CUL5: variants seen among roughly 807,000 people sequenced by gnomAD.
The protein encoded by CUL5 is cullin-5.
In CUL5, 26 loss-of-function variants were observed where a neutral mutation model predicts 108.8. That is an observed-to-expected ratio of 0.24 (90% CI 0.18 to 0.33). The LOEUF is 0.33. Among genes scored for constraint, CUL5 ranks in the 10% least tolerant of loss-of-function variants. The probability of loss-of-function intolerance (pLI) is 1.00; values close to 1 mark genes in which losing one functional copy is unlikely to be tolerated. For missense variants in CUL5, 524 were observed against 909.2 expected, an observed-to-expected ratio of 0.58 and a Z score of 5.45; for synonymous variants, 334 against 298.0, an observed-to-expected ratio of 1.12 and a Z score of -1.25.
intron 1 of CUL5, among the ~76,000 whole-genome samples, chr11:108,030,321 A>G (rs1591282674): frequency 2.0e-5 from 3 of 152,206 alleles, no homozygotes; most frequent in African/African-American, 7.2e-5. Context: ...TTTTTAGTGG[A>G]TATCTCCCAT....
At chr11:108,091,689 T>A (rs1591330707) in intron 13 of CUL5, among the ~76,000 whole-genome samples, 2 of 76,610 alleles carry the variant, frequency 2.6e-5, no homozygotes, top group East Asian at 2.6e-4. Flanking sequence ...ATCCTGTCTC[T>A]CTCACTCACA....
intron 3 of CUL5, among the ~76,000 whole-genome samples, 161 bp from the exon 4 acceptor site, chr11:108,049,729 C>T (rs1419680262): frequency 4.0e-5 from 6 of 151,842 alleles, no homozygotes; most frequent in South Asian, 2.1e-4. Flanking sequence ...TGTGAACATT[C>T]GTGTACAAGT....
rs1245870701 is a variant in CUL5 at position 108,105,778 on chromosome 11, TTA to T, written c.*1398_*1399del. On this transcript the variant is annotated 3_prime_UTR_variant, in exon 19 of 19. Coordinates refer to ENST00000393094, the MANE Select transcript of CUL5 (RefSeq NM_003478.6). ...GTTTCAAATTTTCTTGCAAATTATT[TTA>T]TATCTTATTTGATGTTAAGTAATAT... 1 of 152,168 alleles carries T rather than the reference TTA, an allele frequency of 6.6e-6. No homozygotes were observed. Among genetic ancestry groups the T allele is most frequent in the Admixed American group, 6.5e-5 (1 of 15,282 alleles). 9.4% of individuals were successfully genotyped at this position (152,168 alleles called of 1,614,324 possible).
chr11:108,079,815 T>C (rs1864028779), intron 11 of CUL5, among the ~76,000 whole-genome samples: 1 of 152,202 alleles, frequency 6.6e-6, no homozygotes, highest in Non-Finnish European at 1.5e-5. Flanking sequence ...TTTTGCCTAA[T>C]CTAGGACTTT....
intron 11 of CUL5, among the ~76,000 whole-genome samples, chr11:108,078,822 AAAAT>A (rs1864000958): frequency 6.6e-6 from 1 of 152,296 alleles, no homozygotes; most frequent in South Asian, 2.1e-4. Context: ...AAAATACTGA[AAAAT>A]AACGTTTCTT....
chr11:108,094,723 A>G, intron 14 of CUL5, 89 bp from the exon 15 acceptor site: 1 of 1,086,982 alleles, frequency 9.2e-7, no homozygotes, highest in South Asian at 1.7e-5. Context: ...TTATAGTCTT[A>G]TTGATTTTTC....
chr11:108,068,358 G>A (rs1022818298), intron 7 of CUL5, among the ~76,000 whole-genome samples: 3 of 151,246 alleles, frequency 2.0e-5, no homozygotes, highest in East Asian at 1.9e-4. Flanking sequence ...TTGCTCTGTC[G>A]CCCAGACTAC....
At chr11:108,038,547 C>T (rs2135100079) in intron 2 of CUL5, among the ~76,000 whole-genome samples, 1 of 151,996 alleles carries the variant, frequency 6.6e-6, no homozygotes, top group Middle Eastern at 3.4e-3. Flanking sequence ...CGGTGGTGGG[C>T]CTCAGTAATT....
intron 7 of CUL5, among the ~76,000 whole-genome samples, chr11:108,057,197 A>G (rs543756428): frequency 1.3e-5 from 2 of 152,030 alleles, no homozygotes; most frequent in African/African-American, 4.8e-5. Context: ...ACACCTGGCT[A>G]ATTTTTTATT....
chr11:108,024,909 A>G (rs1057052005), intron 1 of CUL5, among the ~76,000 whole-genome samples: 3 of 152,040 alleles, frequency 2.0e-5, no homozygotes, highest in African/African-American at 7.3e-5. Flanking sequence ...ACCTGTTACC[A>G]CCCTGTCTTT....
chr11:108,022,504 TG>T (rs56080403), intron 1 of CUL5, among the ~76,000 whole-genome samples: 8,856 of 152,200 alleles, frequency 0.058, 385 homozygotes, highest in Non-Finnish European at 0.078. Flanking sequence ...TAAATTTCAG[TG>T]GGGGATATGC....
At chr11:108,086,947 A>G (rs1007971153) in intron 11 of CUL5, among the ~76,000 whole-genome samples, 2 of 152,168 alleles carry the variant, frequency 1.3e-5, no homozygotes, top group African/African-American at 4.8e-5. Flanking sequence ...GATGTTAGCT[A>G]TTATTTTTGT....
intron 13 of CUL5, among the ~76,000 whole-genome samples, chr11:108,092,704 A>G (rs1164607997): frequency 1.3e-5 from 2 of 152,184 alleles, no homozygotes; most frequent in Non-Finnish European, 2.9e-5. Flanking sequence ...TGTAAATAGT[A>G]TGGGGTTTCT....
intron 7 of CUL5, among the ~76,000 whole-genome samples, chr11:108,068,459 C>A (rs1203301559): frequency 2.6e-5 from 4 of 151,986 alleles, no homozygotes; most frequent in South Asian, 2.1e-4. Context: ...GCAGGGACCA[C>A]AGAAAATTCT....
chr11:108,009,442 C>T (rs761668821), intron 1 of CUL5, 70 bp downstream of exon 1: 4 of 1,547,368 alleles, frequency 2.6e-6, no homozygotes, highest in Non-Finnish European at 3.6e-6. Context: ...AAAGGCACGG[C>T]TCAGGTTCAG....
At chr11:108,029,080 C>T (rs552128780) in intron 1 of CUL5, among the ~76,000 whole-genome samples, 1 of 152,318 alleles carries the variant, frequency 6.6e-6, no homozygotes, top group South Asian at 2.1e-4. Flanking sequence ...CTTTCTCTGC[C>T]TAGAATACCC....
intron 3 of CUL5, among the ~76,000 whole-genome samples, chr11:108,049,166 A>G (rs896334506): frequency 6.6e-6 from 1 of 152,188 alleles, no homozygotes; most frequent in African/African-American, 2.4e-5. Context: ...CCACTAAATC[A>G]CTAATCTGTT....
intron 4 of CUL5, among the ~76,000 whole-genome samples, chr11:108,051,960 T>G (rs1863237162): frequency 6.6e-6 from 1 of 152,266 alleles, no homozygotes; most frequent in Middle Eastern, 3.4e-3. Flanking sequence ...AAACACTTGT[T>G]CTTTATTTAC....
At chr11:108,092,603 A>G (rs1864387241) in intron 13 of CUL5, among the ~76,000 whole-genome samples, 1 of 152,202 alleles carries the variant, frequency 6.6e-6, no homozygotes, top group Non-Finnish European at 1.5e-5. Context: ...CCCAAAGACC[A>G]TATCGTATGA....
Sources: allele counts gnomAD v4.1 joint callset (sites outside exome capture counted in the v4.1 genomes callset), GRCh38; gene constraint gnomAD v4.1.1; transcripts MANE v1.5; gene names NCBI Gene and HGNC (gene_info 2026-07-23, HGNC 2026-07-21).